ZNF572: variants seen among roughly 807,000 people sequenced by gnomAD.
ZNF572 encodes the protein zinc finger protein 572.
ZNF572 carries 2 observed loss-of-function variants against 3.8 expected under a neutral mutation model. The observed-to-expected ratio is 0.52, with a 90% CI of 0.21 to 1.65. The LOEUF is 1.65. ZNF572 is among the 40% of genes most tolerant of loss of function. The probability of loss-of-function intolerance (pLI) is 0.20; values close to 1 mark genes in which losing one functional copy is unlikely to be tolerated. For missense variants in ZNF572, 581 were observed against 633.4 expected (o/e 0.92, Z 0.89); for synonymous variants, 187 against 204.5 (o/e 0.91, Z 0.73).
intron 2 of ZNF572, among the ~76,000 whole-genome samples, chr8:124,976,030 A>G (rs568191934): frequency 8.3e-4 from 126 of 152,296 alleles, no homozygotes; most frequent in Middle Eastern, 3.4e-3. Context: ...ATCCTGTTCA[A>G]TTTAACTTCT....
Position 124,977,246 on chromosome 8 carries a change from G to C in ZNF572, c.978G>C (p.Lys326Asn), listed in dbSNP as rs1180617905. ...IKHQRIHTGE[K>N]PYQCPECGKN... ...ATCAGAGAATACATACAGGAGAAAAGCCTTATCAATGTCCAGAATGTGGGA... is the reference window on the plus strand; with the variant it reads ...ATCAGAGAATACATACAGGAGAAAACCCTTATCAATGTCCAGAATGTGGGA... The change falls in exon 3 of 3, where the codon AAG becomes AAC. Residue 326 changes from lysine (K) to asparagine (N), a missense_variant. By Grantham distance (94) the Lys-to-Asn change is moderately conservative. Coordinates refer to ENST00000319286, the MANE Select transcript of ZNF572 (RefSeq NM_152412.3). 1 of 1,613,294 alleles carries C rather than the reference G, an allele frequency of 6.2e-7. No homozygotes were observed. Among genetic ancestry groups the C allele is most frequent in the African/African-American group, 1.3e-5 (1 of 74,898 alleles).
At position 124,978,178 on chromosome 8, in the gene ZNF572, A is replaced by G. The variant is rs1397816273; in HGVS notation, c.*320A>G. 2 of 256,610 alleles carry G rather than the reference A, an allele frequency of 7.8e-6. No homozygotes were observed. The highest frequency in any genetic ancestry group is 7.5e-5 in the East Asian group (1 of 13,366). The allele number at this position is 256,610 out of a possible 1,614,324, so 15.9% of individuals were successfully genotyped here. A position where few individuals can be genotyped will look rare whatever the true frequency, so the allele number is the denominator to read the frequency against. ...CATGAGAACCGAAGCTAGAATTGCTATTGAATTACTTTATTTTCTCTTCCC... is the reference window on the plus strand; with the variant it reads ...CATGAGAACCGAAGCTAGAATTGCTGTTGAATTACTTTATTTTCTCTTCCC... On this transcript the variant is annotated 3_prime_UTR_variant, in exon 3 of 3. Transcript: ENST00000319286.
In ZNF572 at chr8:124,977,083, A is replaced by AT; in HGVS notation, c.816dup (p.Lys273Ter). 6.2e-7 allele frequency: 1 copy of AT among 1,610,582 alleles called. No individual in the cohort carries two copies. The highest frequency in any genetic ancestry group is 8.5e-7 in the Non-Finnish European group (1 of 1,180,002). On this transcript the variant is annotated frameshift_variant, in exon 3 of 3. Coordinates refer to ENST00000319286, the MANE Select transcript of ZNF572 (RefSeq NM_152412.3). LOFTEE classifies it low-confidence loss of function (END_TRUNC). ...AGGACTCACACTGGAGAAAAACCTT[A>AT]TAAGTGCCCTGATTGTGGGAAGAGT... is the stretch of plus-strand genomic sequence containing the variant.
Position 124,977,154 on chromosome 8 carries a change from G to C in ZNF572, c.886G>C (p.Gly296Arg), listed in dbSNP as rs143395753. 1.9e-6 allele frequency: 3 copies of C among 1,609,270 alleles called. No individual in the cohort carries two copies. Among genetic ancestry groups the C allele is most frequent in the Non-Finnish European group, 2.5e-6 (3 of 1,179,986 alleles). ...CATTCGCCACCAGCGGACACACACA[G>C]GTGAGAAGCCCTACAAATGTCTTGA... is the stretch of plus-strand genomic sequence containing the variant. ...SLIRHQRTHT[G>R]EKPYKCLECE... Residue 296 changes from glycine to arginine, a missense_variant, in exon 3 of 3, where the codon GGT (glycine) becomes CGT (arginine). Physicochemically the swap from Gly to Arg is moderately radical, Grantham distance 125. Transcript: ENST00000319286.
At chr8:124,974,227 G>T (rs1345347890) in intron 1 of ZNF572, among the ~76,000 whole-genome samples, 1 of 152,192 alleles carries the variant, frequency 6.6e-6, no homozygotes, top group African/African-American at 2.4e-5. Flanking sequence ...GGGACTCTGA[G>T]GATTCTTTGC....
Position 124,977,758 on chromosome 8 carries a change from C to T in ZNF572, c.1490C>T (p.Ser497Phe). 6.2e-7 allele frequency: 1 copy of T among 1,614,188 alleles called. No individual in the cohort carries two copies. Among genetic ancestry groups the T allele is most frequent in the Non-Finnish European group, 8.5e-7 (1 of 1,180,006 alleles). The change falls in exon 3 of 3, where the codon TCT (serine) becomes TTT (phenylalanine). Residue 497 changes from serine to phenylalanine, a missense_variant. Physicochemically the swap from Ser to Phe is radical, Grantham distance 155 (BLOSUM62 -2). Coordinates refer to ENST00000319286, the MANE Select transcript of ZNF572 (RefSeq NM_152412.3). Reference sequence around the variant, plus strand: ...ATTCACGTAGAAAAGCCTTTTGAGTCTCCCGACGTTGGGGATTTTCCTCAT... The same window carrying T: ...ATTCACGTAGAAAAGCCTTTTGAGTTTCCCGACGTTGGGGATTTTCCTCAT... Reference protein sequence around the residue: ...RKIHVEKPFESPDVGDFPHEW... With the variant: ...RKIHVEKPFEFPDVGDFPHEW...
At position 124,977,976 on chromosome 8, in the gene ZNF572, AAG is replaced by A. The variant is rs773315518; in HGVS notation, c.*119_*120del. Reference sequence around the variant, plus strand: ...ATGTGTTTGTCAAAACATTTGGAAAAAGTCAACCTCCCAGTTTAAAGGATGGG... The same window carrying A: ...ATGTGTTTGTCAAAACATTTGGAAAATCAACCTCCCAGTTTAAAGGATGGG... On this transcript the variant is annotated 3_prime_UTR_variant, in exon 3 of 3. Coordinates refer to ENST00000319286, the MANE Select transcript of ZNF572 (RefSeq NM_152412.3). 481 of 1,169,158 alleles carry A rather than the reference AAG, an allele frequency of 4.1e-4. 1 individual carries two copies. Among genetic ancestry groups the A allele is most frequent in the South Asian group, 5.6e-4 (33 of 58,474 alleles). 72.4% of individuals were successfully genotyped at this position (1,169,158 alleles called of 1,614,324 possible).
Position 124,978,587 on chromosome 8 carries a change from G to T in ZNF572, c.*729G>T, listed in dbSNP as rs1814544533. 1 of 152,178 alleles carries T rather than the reference G, an allele frequency of 6.6e-6. No homozygotes were observed. Among genetic ancestry groups the T allele is most frequent in the Non-Finnish European group, 1.5e-5 (1 of 68,032 alleles). The allele number at this position is 152,178 out of a possible 1,614,324, so 9.4% of individuals were successfully genotyped here. A position where few individuals can be genotyped will look rare whatever the true frequency, so the allele number is the denominator to read the frequency against. ...AATATTTCCTATAAAGACTGTAGAAGTGTGTTCTGGAGGGTTTGCTCTCCA... is the reference window on the plus strand; with the variant it reads ...AATATTTCCTATAAAGACTGTAGAATTGTGTTCTGGAGGGTTTGCTCTCCA... On this transcript the variant is annotated 3_prime_UTR_variant, in exon 3 of 3. Coordinates refer to ENST00000319286, the MANE Select transcript of ZNF572 (RefSeq NM_152412.3).
Position 124,977,639 on chromosome 8 carries a change from G to T in ZNF572, c.1371G>T (p.Arg457Ser). ...ESFSQSFNLIRHRRTHIGEKP... is the reference protein window; with the variant it reads ...ESFSQSFNLISHRRTHIGEKP... ...TCAGTCAGAGCTTTAACCTTATCAG[G>T]CACCGGAGGACCCACATAGGGGAAA... The change falls in exon 3 of 3, where the codon AGG (arginine) becomes AGT (serine). Residue 457 changes from arginine (R) to serine (S), a missense_variant. Coordinates refer to ENST00000319286, the MANE Select transcript of ZNF572 (RefSeq NM_152412.3). 6.2e-7 allele frequency: 1 copy of T among 1,614,178 alleles called. No homozygotes were observed. The highest frequency in any genetic ancestry group is 2.2e-5 in the East Asian group (1 of 44,886).
In ZNF572 at chr8:124,974,001, C is replaced by T. The variant is rs190617748; in HGVS notation, c.-36+585C>T. Among the ~76,000 whole-genome samples, 7 of 152,224 alleles carry T rather than the reference C, an allele frequency of 4.6e-5. No homozygotes were observed. The East Asian group carries it at 1.4e-3, about 29-fold the overall frequency. On this transcript the variant is annotated intron_variant, in intron 1 of 2. Coordinates refer to ENST00000319286, the MANE Select transcript of ZNF572 (RefSeq NM_152412.3). ...ATATATAACTCCATTCGAACAACTC[C>T]ACCCCCTTCCTTTTTTTGCATTCAG...
At chr8:124,975,284 A>G (rs1814492968) in intron 1 of ZNF572, among the ~76,000 whole-genome samples, 1 of 152,186 alleles carries the variant, frequency 6.6e-6, no homozygotes, top group Non-Finnish European at 1.5e-5. Flanking sequence ...TAAAAAAAAT[A>G]CTTTGCTTTT....
chr8:124,979,064 T>C lies in ZNF572; in HGVS notation c.*1206T>C, dbSNP rs1169385866. 6.6e-6 allele frequency: 1 copy of C among 152,512 alleles called. No homozygotes were observed. Among genetic ancestry groups the C allele is most frequent in the African/African-American group, 2.4e-5 (1 of 41,466 alleles). The allele number at this position is 152,512 out of a possible 1,614,324, so 9.4% of individuals were successfully genotyped here. A position where few individuals can be genotyped will look rare whatever the true frequency, so the allele number is the denominator to read the frequency against. On this transcript the variant is annotated 3_prime_UTR_variant, in exon 3 of 3. Transcript: ENST00000319286. Reference sequence around the variant, plus strand: ...ATGATGCTTTGGAAATTATTAGATATATCCTATTCCCTTCCTCCCATTTTT... The same window carrying C: ...ATGATGCTTTGGAAATTATTAGATACATCCTATTCCCTTCCTCCCATTTTT...
chr8:124,973,432 G>T lies in ZNF572; in HGVS notation c.-36+16G>T, dbSNP rs763290326. 1.3e-5 allele frequency: 2 copies of T among 152,374 alleles called. No individual in the cohort carries two copies. The highest frequency in any genetic ancestry group is 4.8e-5 in the African/African-American group (2 of 41,450). The allele number at this position is 152,374 out of a possible 1,614,324, so 9.4% of individuals were successfully genotyped here. On this transcript the variant is annotated intron_variant, in intron 1 of 2. Transcript: ENST00000319286. ...ACCCAGAACAGTGAGTTCCTTCTTG[G>T]GGGGAAGGGAGCCGAGGGTTGCGGG...
chr8:124,976,508 T>C lies in ZNF572; in HGVS notation c.240T>C (p.Ile80=). Residue 80 remains isoleucine, a synonymous_variant, in exon 3 of 3, where the codon ATT becomes ATC. Coordinates refer to ENST00000319286, the MANE Select transcript of ZNF572 (RefSeq NM_152412.3). Reference sequence around the variant, plus strand: ...CACTGACATGGGTTCAAGATGAGATTTGGTGTCATGATTCCTATGAGAGTG... The same window carrying C: ...CACTGACATGGGTTCAAGATGAGATCTGGTGTCATGATTCCTATGAGAGTG... The part of the protein sequence containing the change: ...EMPLTWVQDE[I]WCHDSYESDG... 1 of 1,614,098 alleles carries C rather than the reference T, an allele frequency of 6.2e-7. No individual in the cohort carries two copies. Among genetic ancestry groups the C allele is most frequent in the Non-Finnish European group, 8.5e-7 (1 of 1,180,018 alleles).
rs909975220 is a variant in ZNF572, at chr8:124,979,092, C to T, written c.*1234C>T. ...CCTATTCCCTTCCTCCCATTTTTTT[C>T]CTGCTAGTGCAAAAGGTAGATGAGT... On this transcript the variant is annotated 3_prime_UTR_variant, in exon 3 of 3. Transcript: ENST00000319286. The T allele has an allele frequency of 3.9e-5, 6 of 152,482 alleles. No homozygotes were observed. The highest frequency in any genetic ancestry group is 1.4e-4 in the African/African-American group (6 of 41,404). 9.4% of individuals were successfully genotyped at this position (152,482 alleles called of 1,614,324 possible).
Position 124,975,679 on chromosome 8 carries a change from C to T in ZNF572, c.39C>T (p.Asn13=). Residue 13 remains asparagine (N), a synonymous_variant, in exon 2 of 3, where the codon AAC becomes AAT. Transcript: ENST00000319286. The part of the protein sequence containing the change: ...QEKKLLVSDS[N]SFMERESLKS... Reference sequence around the variant, plus strand: ...AAAAACTGTTGGTCTCAGATTCTAACAGCTTTATGGAGAGGGAGAGTTTGA... The same window carrying T: ...AAAAACTGTTGGTCTCAGATTCTAATAGCTTTATGGAGAGGGAGAGTTTGA... 6.2e-7 allele frequency: 1 copy of T among 1,613,948 alleles called. No homozygotes were observed. The highest frequency in any genetic ancestry group is 1.7e-5 in the Admixed American group (1 of 60,026).
Position 124,977,067 on chromosome 8 carries a change from A to C in ZNF572, c.799A>C (p.Thr267Pro), listed in dbSNP as rs1215661486. 1.2e-6 allele frequency: 2 copies of C among 1,611,514 alleles called. No homozygotes were observed. Among genetic ancestry groups the C allele is most frequent in the Admixed American group, 3.3e-5 (2 of 60,010 alleles). The change falls in exon 3 of 3, where the codon ACT becomes CCT. Residue 267 changes from threonine to proline, a missense_variant. Coordinates refer to ENST00000319286, the MANE Select transcript of ZNF572 (RefSeq NM_152412.3). ...CCTAATAGAACATCAGAGGACTCACACTGGAGAAAAACCTTATAAGTGCCC... is the reference window on the plus strand; with the variant it reads ...CCTAATAGAACATCAGAGGACTCACCCTGGAGAAAAACCTTATAAGTGCCC... ...YVLIEHQRTH[T>P]GEKPYKCPDC...
rs942896917 is a variant in ZNF572 at position 124,979,026 on chromosome 8, C to T, written c.*1168C>T. 4 of 152,272 alleles carry T rather than the reference C, an allele frequency of 2.6e-5. No individual in the cohort carries two copies. The highest frequency in any genetic ancestry group is 7.2e-5 in the African/African-American group (3 of 41,456). 9.4% of individuals were successfully genotyped at this position (152,272 alleles called of 1,614,324 possible). ...TAACTGAGGTCCCATCTTCCCTACTCATTCCTATGGGAATGATGCTTTGGA... is the reference window on the plus strand; with the variant it reads ...TAACTGAGGTCCCATCTTCCCTACTTATTCCTATGGGAATGATGCTTTGGA... On this transcript the variant is annotated 3_prime_UTR_variant, in exon 3 of 3. Coordinates refer to ENST00000319286, the MANE Select transcript of ZNF572 (RefSeq NM_152412.3).
rs754588368 is a variant in ZNF572, at chr8:124,977,424, T to A, written c.1156T>A (p.Cys386Ser). 2.0e-5 allele frequency: 32 copies of A among 1,614,006 alleles called. No homozygotes were observed. The highest frequency in any genetic ancestry group is 2.7e-5 in the Non-Finnish European group (32 of 1,180,016). ...CCAGTTAGGAGAGAAACCATATAGA[T>A]GTTGTGAATGTGGGAAGAGTTTTGG... ...RIQLGEKPYR[C>S]CECGKSFGLS... Residue 386 changes from cysteine (C) to serine (S), a missense_variant, in exon 3 of 3, where the codon TGT becomes AGT. Transcript: ENST00000319286.
Sources: gnomAD v4.1 joint callset for allele counts (sites outside exome capture counted in the v4.1 genomes callset) on GRCh38, gnomAD v4.1.1 for gene constraint, MANE v1.5 for transcripts, NCBI Gene and HGNC (gene_info 2026-07-23, HGNC 2026-07-21) for gene names.